The following GPRC6A variants were observed in gnomAD, a reference collection of about 807,000 sequenced individuals.
GPRC6A encodes G protein-coupled receptor family C group 6 member A.
A neutral mutation model predicts 47.0 loss-of-function variants in GPRC6A; 54 were observed. The ratio of observed to expected loss-of-function variants is 1.15; its 90% CI spans 0.92 to 1.44. The LOEUF (loss-of-function observed/expected upper bound fraction) is 1.44, where lower values mean the gene tolerates loss of function less well. Among genes scored for constraint, GPRC6A ranks in the 40% most tolerant of loss-of-function variants. The pLI, the probability that GPRC6A is intolerant of heterozygous loss-of-function variation, is 0.00. For synonymous variants in GPRC6A, 347 were observed against 377.1 expected, an observed-to-expected ratio of 0.92 and a Z score of 0.93; for missense variants, 1,112 against 1,105.5, an observed-to-expected ratio of 1.01 and a Z score of -0.08.
chr6:116,829,146 G>T, upstream of GPRC6A: 5 of 950,350 alleles, frequency 5.3e-6, no homozygotes, highest in Non-Finnish European at 7.1e-6. Flanking sequence ...GAAACACTCA[G>T]TATTCAGATA....
At chr6:116,821,687 T>C (rs1258808645) in intron 1 of GPRC6A, among the ~76,000 whole-genome samples, 1 of 152,052 alleles carries the variant, frequency 6.6e-6, no homozygotes, top group Non-Finnish European at 1.5e-5. Flanking sequence ...ATCCCTTCCT[T>C]ACACCTTAGA....
rs758025120 is a variant in GPRC6A, at chr6:116,809,542, T to A, written c.270A>T (p.Leu90Phe). Residue 90 changes from leucine (L) to phenylalanine (F), a missense_variant, in exon 2 of 6, where the codon TTA becomes TTT. Coordinates refer to ENST00000310357, the MANE Select transcript of GPRC6A (RefSeq NM_148963.4). ...SIEMINNSTL[L>F]PGVKLGYEIY... ...TTTCATACCCCAGTTTGACTCCAGG[T>A]AAGAGTGTTGAATTGTTGATCATCT... 1 of 1,612,718 alleles carries A rather than the reference T, an allele frequency of 6.2e-7. No homozygotes were observed. The highest frequency in any genetic ancestry group is 8.5e-7 in the Non-Finnish European group (1 of 1,178,866).
At chr6:116,807,856 T>C (rs754204040) in intron 2 of GPRC6A, among the ~76,000 whole-genome samples, 2 of 152,176 alleles carry the variant, frequency 1.3e-5, no homozygotes, top group Non-Finnish European at 2.9e-5. Context: ...CAAATAAATA[T>C]CAGCATTTTT....
Position 116,792,217 on chromosome 6 carries a change from T to C in GPRC6A, c.2706A>G (p.Ala902=), listed in dbSNP as rs906620599. 1 of 1,614,058 alleles carries C rather than the reference T, an allele frequency of 6.2e-7. No homozygotes were observed. The highest frequency in any genetic ancestry group is 1.1e-5 in the South Asian group (1 of 91,088). The change falls in exon 6 of 6, where the codon GCA becomes GCG. Residue 902 remains alanine (A), a synonymous_variant. Coordinates refer to ENST00000310357, the MANE Select transcript of GPRC6A (RefSeq NM_148963.4). ...WQKSKDLQAQ[A]FAHICRENAT... is the part of the protein sequence containing the mutation. ...CATTTTCCCTGCATATGTGTGCAAA[T>C]GCTTGTGCCTGAAGATCTTTGCTTT... is the stretch of plus-strand genomic sequence containing the variant.
chr6:116,824,494 A>G (rs1024906859), intron 1 of GPRC6A, among the ~76,000 whole-genome samples: 4 of 152,048 alleles, frequency 2.6e-5, no homozygotes, highest in Admixed American at 6.6e-5. Context: ...AAAAACCTAG[A>G]GGAAATGTGA....
chr6:116,800,471 T>G, intron 4 of GPRC6A, 113 bp downstream of exon 4: 1 of 714,424 alleles, frequency 1.4e-6, no homozygotes, highest in Non-Finnish European at 2.6e-6. Flanking sequence ...GAAACTTGAT[T>G]AACAGGGATT....
At chr6:116,809,812 TA>T (rs2114600298) in intron 1 of GPRC6A, among the ~76,000 whole-genome samples, 195 bp from the exon 2 acceptor site, 1 of 152,286 alleles carries the variant, frequency 6.6e-6, no homozygotes, top group African/African-American at 2.4e-5. Flanking sequence ...CACAGTTTCT[TA>T]AAAGGAGTCT....
At chr6:116,822,716 T>TG (rs1773535146) in intron 1 of GPRC6A, among the ~76,000 whole-genome samples, 1 of 72,334 alleles carries the variant, frequency 1.4e-5, no homozygotes, top group Non-Finnish European at 2.6e-5. Context: ...TGTTGTGGGT[T>TG]GGGGGAGGGG....
chr6:116,818,368 A>C (rs995435818), intron 1 of GPRC6A, among the ~76,000 whole-genome samples: 1 of 149,150 alleles, frequency 6.7e-6, no homozygotes, highest in Non-Finnish European at 1.5e-5. Flanking sequence ...CCCTGTCTCT[A>C]CTAAAAATAC....
intron 1 of GPRC6A, among the ~76,000 whole-genome samples, chr6:116,811,925 G>A (rs1258016709): frequency 6.6e-6 from 1 of 151,812 alleles, no homozygotes; most frequent in Non-Finnish European, 1.5e-5. Flanking sequence ...TATCCCAGAA[G>A]GTAAAGAGAT....
intron 1 of GPRC6A, among the ~76,000 whole-genome samples, chr6:116,821,325 C>T (rs1271440361): frequency 3.3e-5 from 5 of 152,204 alleles, no homozygotes; most frequent in Non-Finnish European, 5.9e-5. Context: ...CATCAAGCTA[C>T]CAATGCCTTT....
At chr6:116,823,465 C>A (rs944531017) in intron 1 of GPRC6A, among the ~76,000 whole-genome samples, 2 of 152,116 alleles carry the variant, frequency 1.3e-5, no homozygotes, top group Admixed American at 1.3e-4. Context: ...ATATATATCA[C>A]CATCATCATT....
chr6:116,793,293 C>G (rs200367241), intron 5 of GPRC6A, 43 bp from the exon 6 acceptor site: 10 of 1,407,222 alleles, frequency 7.1e-6, no homozygotes, highest in East Asian at 4.8e-5. Context: ...AACATTTAAA[C>G]TAGGTGATAG....
intron 1 of GPRC6A, among the ~76,000 whole-genome samples, chr6:116,815,949 C>T (rs1773190984): frequency 6.6e-6 from 1 of 152,192 alleles, no homozygotes; most frequent in African/African-American, 2.4e-5. Context: ...AAGCATAATG[C>T]TGGCATCTGC....
At chr6:116,818,298 G>T (rs1374979258) in intron 1 of GPRC6A, among the ~76,000 whole-genome samples, 1 of 151,548 alleles carries the variant, frequency 6.6e-6, no homozygotes, top group Non-Finnish European at 1.5e-5. Flanking sequence ...ACTTTGGGAG[G>T]CCGAGGCGGG....
At position 116,817,235 on chromosome 6, in the gene GPRC6A, C is replaced by A. The variant is rs1490164538; in HGVS notation, c.195-7618G>T. On this transcript the variant is annotated intron_variant, in intron 1 of 5. Coordinates refer to ENST00000310357, the MANE Select transcript of GPRC6A (RefSeq NM_148963.4). ...CTCAAGTGGGTCCCTGACCCCTGAC[C>A]CCCGAGCAGCCTAACTGGGAGGCAC... Among the ~76,000 whole-genome samples, 5 of 152,216 alleles carry A rather than the reference C, an allele frequency of 3.3e-5. No homozygotes were observed. The East Asian group carries it at 5.8e-4, about 18-fold the overall frequency.
chr6:116,818,532 T>TCAAAAAAAAAAAAA lies in GPRC6A; in HGVS notation c.195-8916_195-8915insTTTTTTTTTTTTTG, dbSNP rs1554263527. On this transcript the variant is annotated intron_variant, in intron 1 of 5. Coordinates refer to ENST00000310357, the MANE Select transcript of GPRC6A (RefSeq NM_148963.4). Reference sequence around the variant, plus strand: ...CTGGGCGACAGAGCGAGACTCCGTCTAAAAAAAAAAAAAAAAAAAAAAAAA... The same window carrying TCAAAAAAAAAAAAA: ...CTGGGCGACAGAGCGAGACTCCGTCTCAAAAAAAAAAAAAAAAAAAAAAAAAAAAAAAAAAAAAA... Among the ~76,000 whole-genome samples the TCAAAAAAAAAAAAA allele has an allele frequency of 8.4e-4, 13 of 15,510 alleles. 5 individuals carry two copies. The highest frequency in any genetic ancestry group is 1.2e-3 in the Non-Finnish European group (7 of 5,892). The allele number at this position is 15,510 out of a possible 152,430, so 10.2% of individuals were successfully genotyped here.
chr6:116,823,184 A>C (rs1460770098), intron 1 of GPRC6A, among the ~76,000 whole-genome samples: 2 of 152,112 alleles, frequency 1.3e-5, no homozygotes, highest in Non-Finnish European at 2.9e-5. Context: ...TTTAAATATA[A>C]GTTCCAGTTT....
At chr6:116,817,630 T>G (rs1582473639) in intron 1 of GPRC6A, among the ~76,000 whole-genome samples, 1 of 151,998 alleles carries the variant, frequency 6.6e-6, no homozygotes. Flanking sequence ...TTGAAAACTT[T>G]GAAAAAAATT....
Sources: allele counts gnomAD v4.1 joint callset (sites outside exome capture counted in the v4.1 genomes callset), GRCh38; gene constraint gnomAD v4.1.1; transcripts MANE v1.5; gene names NCBI Gene and HGNC (gene_info 2026-07-23, HGNC 2026-07-21).